OPCML: variants seen among roughly 807,000 people sequenced by gnomAD.
OPCML encodes the protein opioid binding protein/cell adhesion molecule like, also known as opioid-binding protein/cell adhesion molecule.
OPCML carries 13 observed loss-of-function variants against 37.8 expected under a neutral mutation model. The ratio of observed to expected loss-of-function variants is 0.34; its 90% CI spans 0.22 to 0.55. The LOEUF (loss-of-function observed/expected upper bound fraction) is 0.55, where lower values mean the gene tolerates loss of function less well. Among genes scored for constraint, OPCML ranks in the 20% least tolerant of loss-of-function variants. The probability of loss-of-function intolerance (pLI) is 0.91; values close to 1 mark genes in which losing one functional copy is unlikely to be tolerated. For synonymous variants in OPCML, 176 were observed against 168.8 expected (o/e 1.04, Z -0.33); for missense variants, 341 against 435.6 (o/e 0.78, Z 1.93).
chr11:132,559,728 A>G (rs2096406350), intron 3 of OPCML, among the ~76,000 whole-genome samples: 2 of 152,186 alleles, frequency 1.3e-5, no homozygotes, highest in African/African-American at 4.8e-5. Context: ...AGAAGATAAG[A>G]CGAAAAGAAA....
At chr11:133,443,416 A>G (rs888428461) in intron 1 of OPCML, among the ~76,000 whole-genome samples, 1 of 152,196 alleles carries the variant, frequency 6.6e-6, no homozygotes, top group Non-Finnish European at 1.5e-5. Flanking sequence ...TCCTTAACAC[A>G]AGGCTGATCC....
chr11:132,739,019 G>A (rs184534588), intron 2 of OPCML, among the ~76,000 whole-genome samples: 15 of 151,952 alleles, frequency 9.9e-5, no homozygotes, highest in East Asian at 5.8e-4. Flanking sequence ...GCACGTTTGC[G>A]TAAAAGCAGG....
chr11:133,024,379 C>T (rs1947509648), intron 1 of OPCML: 1 of 985,164 alleles, frequency 1.0e-6, no homozygotes, highest in Admixed American at 6.2e-5. Context: ...GAACTTAACT[C>T]ATTAGGATGG....
chr11:132,814,313 G>A (rs941340390), intron 2 of OPCML, among the ~76,000 whole-genome samples: 5 of 152,140 alleles, frequency 3.3e-5, no homozygotes, highest in Non-Finnish European at 5.9e-5. Context: ...TGGCTCATAC[G>A]GTTATGGAGG....
chr11:132,985,962 AT>A (rs1393660594), intron 1 of OPCML, among the ~76,000 whole-genome samples: 1 of 151,882 alleles, frequency 6.6e-6, no homozygotes, highest in Non-Finnish European at 1.5e-5. Flanking sequence ...TGAGCTACTT[AT>A]TTTTTCCAAA....
At chr11:133,281,618 A>G (rs1942160510) in intron 1 of OPCML, among the ~76,000 whole-genome samples, 1 of 152,050 alleles carries the variant, frequency 6.6e-6, no homozygotes, top group African/African-American at 2.4e-5. Context: ...GAGATGCCTG[A>G]AAATATGAAT....
chr11:133,157,335 G>A (rs1950076637), intron 1 of OPCML, among the ~76,000 whole-genome samples: 1 of 152,174 alleles, frequency 6.6e-6, no homozygotes, highest in South Asian at 2.1e-4. Context: ...GGTCCAGGCA[G>A]CTGCAGTCGG....
At chr11:133,097,761 C>T (rs1949025472) in intron 1 of OPCML, among the ~76,000 whole-genome samples, 1 of 152,072 alleles carries the variant, frequency 6.6e-6, no homozygotes, top group African/African-American at 2.4e-5. Context: ...ATTTGATGAC[C>T]TATATGAAAC....
At chr11:132,445,388 C>T (rs2096051489) in intron 4 of OPCML, among the ~76,000 whole-genome samples, 1 of 152,150 alleles carries the variant, frequency 6.6e-6, no homozygotes, top group South Asian at 2.1e-4. Flanking sequence ...AGTGACTCCT[C>T]CAGTACAACT....
intron 4 of OPCML, among the ~76,000 whole-genome samples, chr11:132,494,626 A>AT (rs1175183239): frequency 6.6e-6 from 1 of 152,262 alleles, no homozygotes; most frequent in Non-Finnish European, 1.5e-5. Context: ...AGGAAAAAAA[A>AT]GAACTCTAGA....
chr11:133,185,447 A>G (rs1938027169), intron 1 of OPCML, among the ~76,000 whole-genome samples: 1 of 152,234 alleles, frequency 6.6e-6, no homozygotes, highest in Non-Finnish European at 1.5e-5. Context: ...GCTGCAGCCC[A>G]TTGCAGGGAA....
intron 1 of OPCML, among the ~76,000 whole-genome samples, chr11:133,443,658 G>A (rs11822490): frequency 0.016 from 2,383 of 152,206 alleles, 63 homozygotes; most frequent in African/African-American, 0.055. Context: ...ATTTTGAAAC[G>A]GGATCATTTA....
intron 2 of OPCML, among the ~76,000 whole-genome samples, chr11:132,876,937 A>T (rs1943042348): frequency 6.6e-6 from 1 of 152,184 alleles, no homozygotes; most frequent in South Asian, 2.1e-4. Flanking sequence ...AAACAAAAAG[A>T]TGCTTAATTT....
intron 1 of OPCML, among the ~76,000 whole-genome samples, chr11:133,291,683 G>T (rs1273777996): frequency 6.6e-6 from 1 of 152,218 alleles, no homozygotes; most frequent in Non-Finnish European, 1.5e-5. Flanking sequence ...AGCCCTGGGG[G>T]AAGGTATTCC....
chr11:133,373,448 T>TATATATATATATATATATATATAC (rs966091785), intron 1 of OPCML, among the ~76,000 whole-genome samples: 14 of 132,166 alleles, frequency 1.1e-4, no homozygotes, highest in Admixed American at 5.5e-4. Context: ...TATATATATA[T>TATATATATATATATATATATATAC]ACACACACAC....
intron 1 of OPCML, among the ~76,000 whole-genome samples, chr11:133,317,279 G>GA (rs1236489448): frequency 2.0e-5 from 3 of 152,132 alleles, no homozygotes; most frequent in African/African-American, 7.2e-5. Flanking sequence ...CTCTAAGAAA[G>GA]AAAAAAATAC....
At chr11:132,851,354 T>C (rs2136329542) in intron 2 of OPCML, among the ~76,000 whole-genome samples, 1 of 152,300 alleles carries the variant, frequency 6.6e-6, no homozygotes, top group South Asian at 2.1e-4. Context: ...TGTAATCCTA[T>C]CTACATGTCA....
intron 3 of OPCML, among the ~76,000 whole-genome samples, chr11:132,599,346 GGAA>G (rs1314070139): frequency 7.6e-6 from 1 of 132,160 alleles, no homozygotes; most frequent in Non-Finnish European, 1.5e-5. Context: ...AGGAGGAGGA[GGAA>G]GAAGGAGGAG....
In OPCML at chr11:133,327,668, G is replaced by T. The variant is rs1271769070; in HGVS notation, c.61+204596C>A. Reference sequence around the variant, plus strand: ...CAACATAGATACATGGAATTCTATAGACCTAAACTTTCATAATTGCCAGAT... The same window carrying T: ...CAACATAGATACATGGAATTCTATATACCTAAACTTTCATAATTGCCAGAT... On this transcript the variant is annotated intron_variant, in intron 1 of 7. Transcript: ENST00000524381. Among the ~76,000 whole-genome samples, 4 of 152,126 alleles carry T rather than the reference G, an allele frequency of 2.6e-5. No homozygotes were observed. The East Asian group carries it at 7.7e-4, about 29-fold the overall frequency.
Sources: allele counts gnomAD v4.1 joint callset (sites outside exome capture counted in the v4.1 genomes callset), GRCh38; gene constraint gnomAD v4.1.1; transcripts MANE v1.5; gene names NCBI Gene and HGNC (gene_info 2026-07-23, HGNC 2026-07-21).